Variants in RIMS2 observed in about 807,000 individuals in gnomAD.
RIMS2 encodes regulating synaptic membrane exocytosis 2.
RIMS2 carries 59 observed loss-of-function variants against 174.4 expected under a neutral mutation model. That is an observed-to-expected ratio of 0.34 (90% CI 0.27 to 0.42). The LOEUF (loss-of-function observed/expected upper bound fraction) is 0.42, where lower values mean the gene tolerates loss of function less well. RIMS2 is among the 10% of genes least tolerant of loss of function. The pLI, the probability that RIMS2 is intolerant of heterozygous loss-of-function variation, is 1.00. For synonymous variants in RIMS2, 606 were observed against 572.5 expected, an observed-to-expected ratio of 1.06 and a Z score of -0.84; for missense variants, 1,620 against 1,666.3, an observed-to-expected ratio of 0.97 and a Z score of 0.48.
At chr8:103,715,372 C>A (rs2097355730) in intron 2 of RIMS2, among the ~76,000 whole-genome samples, 1 of 152,030 alleles carries the variant, frequency 6.6e-6, no homozygotes, top group Non-Finnish European at 1.5e-5. Context: ...TATGTTGTTC[C>A]CCTCCCTGTG....
chr8:104,051,988 A>G (rs2096794825), intron 19 of RIMS2, among the ~76,000 whole-genome samples: 1 of 152,110 alleles, frequency 6.6e-6, no homozygotes, highest in African/African-American at 2.4e-5. Context: ...GCTTTGTTAT[A>G]TTTCATTTTC....
Position 103,539,814 on chromosome 8 carries a change from C to G in RIMS2, c.176+38752C>G, listed in dbSNP as rs78036683. On this transcript the variant is annotated intron_variant, in intron 1 of 23. Transcript: ENST00000504942. ...TGCAGTCACCCTGAGAGTGCTCACA[C>G]TTCAGACTCAGGCTCTGTGGCTGCA... is the stretch of plus-strand genomic sequence containing the variant. Among the ~76,000 whole-genome samples the G allele has an allele frequency of 2.6e-5, 4 of 152,368 alleles. No homozygotes were observed. In the East Asian group the frequency reaches 7.7e-4, roughly 29 times the overall value.
chr8:103,904,725 T>A, intron 4 of RIMS2, among the ~76,000 whole-genome samples: 1 of 152,088 alleles, frequency 6.6e-6, no homozygotes, highest in East Asian at 1.9e-4. Flanking sequence ...TTTATAATCA[T>A]GAACAATATT....
chr8:103,556,715 T>G (rs1247018795), intron 1 of RIMS2, among the ~76,000 whole-genome samples: 5 of 152,148 alleles, frequency 3.3e-5, no homozygotes, highest in Admixed American at 6.6e-5. Context: ...GAGAAGCCAC[T>G]GCCAGAGAGT....
intron 19 of RIMS2, among the ~76,000 whole-genome samples, chr8:104,048,807 A>C (rs1206475801): frequency 6.7e-6 from 1 of 150,308 alleles, no homozygotes; most frequent in East Asian, 1.9e-4. Flanking sequence ...CATAGTAAAT[A>C]ATCAAAGAAT....
chr8:104,010,956 C>A (rs2091489620), intron 17 of RIMS2, among the ~76,000 whole-genome samples: 1 of 152,068 alleles, frequency 6.6e-6, no homozygotes, highest in African/African-American at 2.4e-5. Flanking sequence ...TATTTTAAGC[C>A]TTGCAAGTAT....
chr8:103,612,268 A>G (rs779591746), intron 1 of RIMS2, among the ~76,000 whole-genome samples: 11 of 151,968 alleles, frequency 7.2e-5, no homozygotes, highest in Admixed American at 6.5e-5. Context: ...ATGTCTCTCT[A>G]TTTTCAGGAT....
intron 16 of RIMS2, among the ~76,000 whole-genome samples, chr8:103,982,395 C>G (rs1185039525): frequency 6.8e-6 from 1 of 146,814 alleles, no homozygotes; most frequent in African/African-American, 2.5e-5. Context: ...ACTCGTTCTA[C>G]AAGGCCGTTA....
chr8:103,721,597 A>T (rs1261905777), intron 2 of RIMS2, among the ~76,000 whole-genome samples: 1 of 152,230 alleles, frequency 6.6e-6, no homozygotes, highest in East Asian at 1.9e-4. Context: ...TAATTGCAGC[A>T]TACCTAACTT....
chr8:103,779,903 TAA>T (rs556424042), intron 3 of RIMS2, among the ~76,000 whole-genome samples: 3 of 144,808 alleles, frequency 2.1e-5, no homozygotes, highest in African/African-American at 5.1e-5. Context: ...AAGGTATAAT[TAA>T]AAAAAAAAAA....
At chr8:103,559,279 A>G (rs1207226108) in intron 1 of RIMS2, 3 of 185,668 alleles carry the variant, frequency 1.6e-5, no homozygotes, top group Non-Finnish European at 3.3e-5. Flanking sequence ...TGATTTTCCT[A>G]ATTAGCCTTC....
intron 19 of RIMS2, among the ~76,000 whole-genome samples, chr8:104,227,278 GTT>G (rs60840616): frequency 2.3e-5 from 3 of 131,958 alleles, no homozygotes; most frequent in Non-Finnish European, 1.6e-5. Flanking sequence ...AATCTCTGAG[GTT>G]TTTTTTTTTT....
intron 19 of RIMS2, chr8:104,223,289 G>A: frequency 4.8e-6 from 4 of 830,752 alleles, no homozygotes; most frequent in Non-Finnish European, 5.9e-6. Flanking sequence ...GATTGGCGGG[G>A]ACCGCAGCAT....
chr8:104,196,721 C>A (rs775003431), intron 19 of RIMS2, among the ~76,000 whole-genome samples: 9 of 152,030 alleles, frequency 5.9e-5, no homozygotes, highest in African/African-American at 9.7e-5. Flanking sequence ...ACTTACATTT[C>A]ACAATGAATA....
At position 104,122,589 on chromosome 8, in the gene RIMS2, T is replaced by C. The variant is rs375950560; in HGVS notation, c.3334+107974T>C. On this transcript the variant is annotated intron_variant, in intron 19 of 23. Transcript: ENST00000504942. ...TTAGGAGTTTTGAGTGGATGAAGAG[T>C]AAAAGATTTTAGAAATTTTGAATTT... Among the ~76,000 whole-genome samples, 339 of 152,200 alleles carry C rather than the reference T, an allele frequency of 2.2e-3. 3 individuals are homozygous for C. The highest frequency in any genetic ancestry group is 6.4e-3 in the South Asian group (31 of 4,818).
chr8:103,638,949 A>AT (rs1409710890), intron 1 of RIMS2, among the ~76,000 whole-genome samples: 1 of 151,894 alleles, frequency 6.6e-6, no homozygotes, highest in Non-Finnish European at 1.5e-5. Flanking sequence ...AATTTGCGTG[A>AT]TTTTGTACTG....
chr8:103,845,458 C>T (rs1036624874), intron 3 of RIMS2, among the ~76,000 whole-genome samples: 1 of 152,116 alleles, frequency 6.6e-6, no homozygotes, highest in African/African-American at 2.4e-5. Flanking sequence ...TTAATCACTA[C>T]TTTCACTTGT....
At chr8:103,796,304 G>C (rs1407314927) in intron 3 of RIMS2, among the ~76,000 whole-genome samples, 2 of 152,086 alleles carry the variant, frequency 1.3e-5, no homozygotes, top group Non-Finnish European at 2.9e-5. Context: ...CATTTACTGA[G>C]TACCTACAAT....
chr8:103,648,134 T>C (rs1014071142), intron 1 of RIMS2, among the ~76,000 whole-genome samples: 1 of 152,108 alleles, frequency 6.6e-6, no homozygotes, highest in Non-Finnish European at 1.5e-5. Context: ...TTCTCATTAG[T>C]TTCAAAGAAC....
Sources: allele counts gnomAD v4.1 joint callset (sites outside exome capture counted in the v4.1 genomes callset), GRCh38; gene constraint gnomAD v4.1.1; transcripts MANE v1.5; gene names NCBI Gene and HGNC (gene_info 2026-07-23, HGNC 2026-07-21).